VPS37A: variants seen among roughly 807,000 people sequenced by gnomAD.
The protein encoded by VPS37A is vacuolar protein sorting-associated protein 37A.
In VPS37A, 30 loss-of-function variants were observed where a neutral mutation model predicts 49.8. The observed-to-expected ratio is 0.60, with a 90% CI of 0.45 to 0.82. The LOEUF is 0.82. Ranked by LOEUF, VPS37A falls within the 40% of genes least tolerant of loss-of-function variation. VPS37A has a pLI of 0.00. For missense variants in VPS37A, 593 were observed against 464.4 expected (o/e 1.28, Z -2.55); for synonymous variants, 195 against 160.6 (o/e 1.21, Z -1.62).
the VPS37A span, among the ~76,000 whole-genome samples, chr8:17,318,876 C>G: frequency 6.6e-6 from 1 of 152,018 alleles, no homozygotes; most frequent in East Asian, 1.9e-4. Context: ...GTGACTTGTC[C>G]TCTGCTCTTC....
chr8:17,302,909 C>T (rs757068753), downstream of VPS37A, among the ~76,000 whole-genome samples: 6 of 151,846 alleles, frequency 4.0e-5, no homozygotes, highest in Admixed American at 6.6e-5. Context: ...CAGGGTTTCA[C>T]CATGTTGGTC....
chr8:17,248,355 C>G (rs1811607582), intron 1 of VPS37A: 1 of 454,948 alleles, frequency 2.2e-6, no homozygotes, highest in South Asian at 1.5e-5. Flanking sequence ...ACCTCCGTCT[C>G]CCGGATTCAA....
At chr8:17,314,508 A>C in the VPS37A span, among the ~76,000 whole-genome samples, 1 of 152,210 alleles carries the variant, frequency 6.6e-6, no homozygotes, top group South Asian at 2.1e-4. Flanking sequence ...AGCACTGTGC[A>C]TATGGGTCAC....
At chr8:17,314,189 C>G in the VPS37A span, among the ~76,000 whole-genome samples, 1 of 152,110 alleles carries the variant, frequency 6.6e-6, no homozygotes, top group Admixed American at 6.5e-5. Context: ...ATCACAAATA[C>G]GGCAATCCAA....
downstream of VPS37A, chr8:17,299,412 A>G (rs1233089262): frequency 1.9e-5 from 3 of 159,340 alleles, no homozygotes; most frequent in Admixed American, 1.2e-4. Context: ...AGAAATATGT[A>G]TAAGAGGGTC....
At chr8:17,273,506 A>G (rs1256862145) in intron 4 of VPS37A, among the ~76,000 whole-genome samples, 1 of 152,084 alleles carries the variant, frequency 6.6e-6, no homozygotes, top group Non-Finnish European at 1.5e-5. Flanking sequence ...AGCTGGGACT[A>G]CAGGCGCCCA....
chr8:17,252,690 A>G (rs901770976), intron 1 of VPS37A, among the ~76,000 whole-genome samples: 4 of 152,110 alleles, frequency 2.6e-5, no homozygotes. Context: ...CCATTTCACT[A>G]GTTTGCAATT....
chr8:17,277,498 A>G (rs1424814503), intron 6 of VPS37A, among the ~76,000 whole-genome samples: 2 of 152,094 alleles, frequency 1.3e-5, no homozygotes, highest in Non-Finnish European at 2.9e-5. Flanking sequence ...TTTGCTCACC[A>G]TGCTTCATGC....
At chr8:17,266,879 T>G (rs1001507862) in intron 2 of VPS37A, among the ~76,000 whole-genome samples, 1 of 152,088 alleles carries the variant, frequency 6.6e-6, no homozygotes, top group African/African-American at 2.4e-5. Context: ...TTCAAGCGAT[T>G]CTCCTGCCTC....
intron 11 of VPS37A, among the ~76,000 whole-genome samples, chr8:17,289,330 G>A (rs1815922181): frequency 6.6e-6 from 1 of 151,976 alleles, no homozygotes; most frequent in African/African-American, 2.4e-5. Context: ...GGGTTTTTAT[G>A]GTTTTAGGTC....
At chr8:17,260,630 A>G (rs1381559802) in intron 1 of VPS37A, among the ~76,000 whole-genome samples, 3 of 152,120 alleles carry the variant, frequency 2.0e-5, no homozygotes, top group Non-Finnish European at 4.4e-5. Context: ...AGCATTTCTT[A>G]TAAGATGGGT....
intron 1 of VPS37A, 183 bp downstream of exon 1, chr8:17,247,552 C>T: frequency 2.4e-6 from 2 of 842,658 alleles, no homozygotes; most frequent in Non-Finnish European, 1.9e-6. Flanking sequence ...CCTCCGGACC[C>T]TCCCTGCCTC....
chr8:17,313,474 G>A, the VPS37A span: 1 of 982,326 alleles, frequency 1.0e-6, no homozygotes, highest in Non-Finnish European at 1.5e-6. Context: ...TGTTTTATAG[G>A]TAGTTTGTTA....
chr8:17,288,426 T>A (rs1262471812), intron 11 of VPS37A, among the ~76,000 whole-genome samples: 2 of 152,184 alleles, frequency 1.3e-5, no homozygotes, highest in East Asian at 1.9e-4. Flanking sequence ...TGTGCCCATA[T>A]GTTCTCATTG....
intron 11 of VPS37A, among the ~76,000 whole-genome samples, chr8:17,292,832 T>G (rs1462971539): frequency 6.6e-6 from 1 of 152,266 alleles, no homozygotes; most frequent in Non-Finnish European, 1.5e-5. Flanking sequence ...CCACTGTTAG[T>G]CTGATGGGCT....
chr8:17,302,686 C>T (rs2150462232), downstream of VPS37A, among the ~76,000 whole-genome samples: 1 of 95,302 alleles, frequency 1.0e-5, no homozygotes, highest in South Asian at 4.1e-4. Context: ...TAAAAGTTGA[C>T]ATTTGCATTG....
intron 1 of VPS37A, among the ~76,000 whole-genome samples, chr8:17,260,048 G>T (rs891564341): frequency 6.6e-6 from 1 of 152,048 alleles, no homozygotes; most frequent in Non-Finnish European, 1.5e-5. Flanking sequence ...TTTAATTGGA[G>T]AATTTAGTCC....
intron 11 of VPS37A, among the ~76,000 whole-genome samples, chr8:17,293,485 G>C (rs1286553435): frequency 6.6e-6 from 1 of 152,026 alleles, no homozygotes; most frequent in Non-Finnish European, 1.5e-5. Flanking sequence ...TCTCAGTCCA[G>C]TTTTGTTCCC....
chr8:17,275,519 T>C (rs1376430632), intron 5 of VPS37A, among the ~76,000 whole-genome samples: 1 of 152,008 alleles, frequency 6.6e-6, no homozygotes, highest in Non-Finnish European at 1.5e-5. Flanking sequence ...CCATATAGGG[T>C]GTGGGCAAAG....
Sources: allele counts gnomAD v4.1 joint callset (sites outside exome capture counted in the v4.1 genomes callset), GRCh38; gene constraint gnomAD v4.1.1; transcripts MANE v1.5; gene names NCBI Gene and HGNC (gene_info 2026-07-23, HGNC 2026-07-21).